Variants in DLEC1 observed in about 807,000 individuals in gnomAD.
The protein encoded by DLEC1 is deleted in lung and esophageal cancer protein 1.
Under a neutral mutation model 198.1 loss-of-function variants are expected in DLEC1, and 146 were observed. That is an observed-to-expected ratio of 0.74 (90% confidence interval 0.64 to 0.85). The LOEUF (loss-of-function observed/expected upper bound fraction) is 0.85, where lower values mean the gene tolerates loss of function less well. Ranked by LOEUF, DLEC1 falls within the 40% of genes least tolerant of loss-of-function variation. DLEC1 has a pLI of 0.00. For synonymous variants in DLEC1, 897 were observed against 866.8 expected (o/e 1.03, Z -0.61); for missense variants, 2,233 against 2,220.0 (o/e 1.01, Z -0.12).
intron 19 of DLEC1, chr3:38,103,752 G>C (rs1699422411): frequency 6.6e-6 from 1 of 152,120 alleles, no homozygotes; most frequent in African/African-American, 2.4e-5. Context: ...GTTATCAGTT[G>C]GTCTAATTTC....
At chr3:38,059,641 G>C (rs1696569368) in intron 2 of DLEC1, 101 bp from the exon 3 acceptor site, 2 of 928,302 alleles carry the variant, frequency 2.2e-6, no homozygotes, top group Non-Finnish European at 3.3e-6. Context: ...AAGGAATTTT[G>C]TTAGATAGTT....
At chr3:38,113,057 T>C (rs541478118) in intron 25 of DLEC1, among the ~76,000 whole-genome samples, 1 of 152,340 alleles carries the variant, frequency 6.6e-6, no homozygotes, top group South Asian at 2.1e-4. Flanking sequence ...AAAGGGATCT[T>C]AAGTAACAGG....
chr3:38,084,165 T>A lies in DLEC1; in HGVS notation c.1181T>A (p.Ile394Asn). The change falls in exon 7 of 37, where the codon ATT becomes AAT. Residue 394 changes from isoleucine (I) to asparagine (N), a missense_variant. Coordinates refer to ENST00000308059, the MANE Select transcript of DLEC1 (RefSeq NM_007335.4). ...CATCTTACCTTTCAACAGATGGTAA[T>A]TGCGCTGCAGAACACCACCACGACC... ...YEIGPVYEMVIALQNTTTTSR... is the reference protein window; with the variant it reads ...YEIGPVYEMVNALQNTTTTSR... 1 of 1,612,972 alleles carries A rather than the reference T, an allele frequency of 6.2e-7. No homozygotes were observed. Among genetic ancestry groups the A allele is most frequent in the Non-Finnish European group, 8.5e-7 (1 of 1,179,158 alleles).
chr3:38,059,817 A>G lies in DLEC1; in HGVS notation c.638A>G (p.Tyr213Cys). Residue 213 changes from tyrosine to cysteine, a missense_variant, in exon 3 of 37, where the codon TAC (tyrosine) becomes TGC (cysteine). By Grantham distance (194) the Tyr-to-Cys change is radical. Transcript: ENST00000308059. Reference sequence around the variant, plus strand: ...CATTTGATCTCCCCAGAAGATTACTACACCGATACAGTGCCGTTTCACTCT... The same window carrying G: ...CATTTGATCTCCCCAGAAGATTACTGCACCGATACAGTGCCGTTTCACTCT... ...KHHLISPEDYYTDTVPFHSAP... is the reference protein window; with the variant it reads ...KHHLISPEDYCTDTVPFHSAP... 6.2e-7 allele frequency: 1 copy of G among 1,614,158 alleles called. No homozygotes were observed. Among genetic ancestry groups the G allele is most frequent in the Non-Finnish European group, 8.5e-7 (1 of 1,180,028 alleles).
Position 38,084,219 on chromosome 3 carries a change from C to A in DLEC1, c.1235C>A (p.Ser412Tyr). The change falls in exon 7 of 37, where the codon TCC becomes TAC. Residue 412 changes from serine to tyrosine, a missense_variant. Ser to Tyr is a moderately radical substitution (Grantham distance 144). Transcript: ENST00000308059. ...CGCTACCTGCGAGTCCTCCCGCCTTCCACGCCATACTTCGCTCTGGGACTG... is the reference window on the plus strand; with the variant it reads ...CGCTACCTGCGAGTCCTCCCGCCTTACACGCCATACTTCGCTCTGGGACTG... The part of the protein sequence containing the change: ...TSRYLRVLPP[S>Y]TPYFALGLGM... 1 of 1,612,868 alleles carries A rather than the reference C, an allele frequency of 6.2e-7. No homozygotes were observed. Among genetic ancestry groups the A allele is most frequent in the East Asian group, 2.2e-5 (1 of 44,854 alleles).
chr3:38,097,429 C>G, intron 16 of DLEC1, 78 bp from the exon 17 acceptor site: 1 of 1,593,982 alleles, frequency 6.3e-7, no homozygotes, highest in African/African-American at 1.3e-5. Flanking sequence ...TCTGTGCAAG[C>G]CAGATGTCTG....
chr3:38,090,537 C>T (rs1575182783), intron 10 of DLEC1, among the ~76,000 whole-genome samples: 1 of 152,294 alleles, frequency 6.6e-6, no homozygotes, highest in East Asian at 1.9e-4. Flanking sequence ...GCTGATTGAC[C>T]TGAAGATTTT....
intron 28 of DLEC1, 40 bp from the exon 29 acceptor site, chr3:38,116,733 C>G: frequency 6.2e-7 from 1 of 1,608,214 alleles, no homozygotes; most frequent in Non-Finnish European, 8.5e-7. Context: ...CTAGTTGAAC[C>G]TCAGTGACTG....
chr3:38,057,635 T>C (rs1158644179), intron 2 of DLEC1, among the ~76,000 whole-genome samples: 2 of 152,226 alleles, frequency 1.3e-5, no homozygotes, highest in Admixed American at 1.3e-4. Context: ...GTTTTATTTG[T>C]TTTTAAGAAT....
In DLEC1 at chr3:38,039,295, T is replaced by G; in HGVS notation, c.70T>G (p.Trp24Gly). 1 of 1,614,198 alleles carries G rather than the reference T, an allele frequency of 6.2e-7. No homozygotes were observed. The highest frequency in any genetic ancestry group is 8.5e-7 in the Non-Finnish European group (1 of 1,180,020). Residue 24 changes from tryptophan to glycine, a missense_variant, in exon 1 of 37, where the codon TGG (tryptophan) becomes GGG (glycine). Trp to Gly is a radical substitution (Grantham distance 184). Transcript: ENST00000308059. ...GACCAACGAGTGCCAGGGGACAATG[T>G]GGGCGCCAACTTCGCCACCAGCCGG... ...SRTNECQGTMWAPTSPPAGSS... is the reference protein window; with the variant it reads ...SRTNECQGTMGAPTSPPAGSS...
chr3:38,049,967 A>T (rs1037173806), intron 2 of DLEC1, among the ~76,000 whole-genome samples: 7 of 152,164 alleles, frequency 4.6e-5, no homozygotes, highest in African/African-American at 1.7e-4. Flanking sequence ...AGGTCAGCTG[A>T]TGAGAAGCCC....
intron 20 of DLEC1, among the ~76,000 whole-genome samples, chr3:38,108,198 G>A (rs1365888580): frequency 6.6e-6 from 1 of 152,234 alleles, no homozygotes; most frequent in Non-Finnish European, 1.5e-5. Flanking sequence ...CTCCCAACAA[G>A]TGGTAAAGTC....
chr3:38,069,502 C>T (rs1362514806), intron 6 of DLEC1, among the ~76,000 whole-genome samples: 1 of 152,156 alleles, frequency 6.6e-6, no homozygotes, highest in African/African-American at 2.4e-5. Context: ...CACACACACA[C>T]ACACACGCAG....
Position 38,121,747 on chromosome 3 carries a change from G to A in DLEC1, c.4986G>A (p.Leu1662=), listed in dbSNP as rs1700475409. The A allele has an allele frequency of 6.2e-7, 1 of 1,613,932 alleles. No individual in the cohort carries two copies. Among genetic ancestry groups the A allele is most frequent in the Admixed American group, 1.7e-5 (1 of 59,996 alleles). ...QRVREVYLMN[L]SGCRSYWTML... ...TCCGGGAGGTCTACCTGATGAACCT[G>A]AGCGGGTGCCGAAGCTACTGGACTA... Residue 1662 remains leucine, a synonymous_variant, in exon 35 of 37, where the codon CTG becomes CTA. Coordinates refer to ENST00000308059, the MANE Select transcript of DLEC1 (RefSeq NM_007335.4).
rs377209950 is a variant in DLEC1 at position 38,039,503 on chromosome 3, C to T, written c.278C>T (p.Ser93Leu). 2 of 1,613,934 alleles carry T rather than the reference C, an allele frequency of 1.2e-6. No individual in the cohort carries two copies. Among genetic ancestry groups the T allele is most frequent in the Non-Finnish European group, 1.7e-6 (2 of 1,179,918 alleles). The change falls in exon 1 of 37, where the codon TCG (serine) becomes TTG (leucine). Residue 93 changes from serine to leucine, a missense_variant. Physicochemically the swap from Ser to Leu is moderately radical, Grantham distance 145. Transcript: ENST00000308059. ...RPSSLRTQDI[S>L]HLLTGVFRNL... ...TCCTCGCTGCGCACCCAAGATATCT[C>T]GCACTTGCTCACCGGCGTCTTCCGC...
chr3:38,084,955 A>T (rs1698364203), intron 7 of DLEC1, among the ~76,000 whole-genome samples: 1 of 152,138 alleles, frequency 6.6e-6, no homozygotes, highest in Non-Finnish European at 1.5e-5. Context: ...AACTCTGATC[A>T]TGTCACCCCG....
rs751855448 is a variant in DLEC1, at chr3:38,045,581, A to G, written c.450A>G (p.Glu150=). 5 of 1,613,828 alleles carry G rather than the reference A, an allele frequency of 3.1e-6. No individual in the cohort carries two copies. Among genetic ancestry groups the G allele is most frequent in the Non-Finnish European group, 3.4e-6 (4 of 1,179,964 alleles). The change falls in exon 2 of 37, where the codon GAA becomes GAG. Residue 150 remains glutamate, a synonymous_variant. Coordinates refer to ENST00000308059, the MANE Select transcript of DLEC1 (RefSeq NM_007335.4). ...ATAAGCAGCGGCTGGATGAGTTTGA[A>G]ATGTTGGAGAGACATATCACTCAGG... ...ELYKQRLDEF[E]MLERHITQAQ...
intron 1 of DLEC1, among the ~76,000 whole-genome samples, chr3:38,041,241 A>T (rs1162842492): frequency 2.6e-5 from 4 of 151,966 alleles, no homozygotes; most frequent in African/African-American, 9.7e-5. Flanking sequence ...TGACCTCGTG[A>T]TCTGCCCACC....
chr3:38,051,139 A>G (rs1306971796), intron 2 of DLEC1, among the ~76,000 whole-genome samples: 7 of 152,216 alleles, frequency 4.6e-5, no homozygotes, highest in Non-Finnish European at 1.0e-4. Context: ...GGGCTCAAGC[A>G]ATCCGCCCAC....
Sources: allele counts gnomAD v4.1 joint callset (sites outside exome capture counted in the v4.1 genomes callset), GRCh38; gene constraint gnomAD v4.1.1; transcripts MANE v1.5; gene names NCBI Gene and HGNC (gene_info 2026-07-23, HGNC 2026-07-21).